Variants in ELMO1 observed in about 807,000 individuals in gnomAD.
The protein encoded by ELMO1 is engulfment and cell motility 1, also known as engulfment and cell motility protein 1.
A neutral mutation model predicts 98.9 loss-of-function variants in ELMO1; 26 were observed. The observed-to-expected ratio is 0.26, with a 90% CI of 0.19 to 0.36. ELMO1 has a LOEUF of 0.36. ELMO1 is among the 10% of genes least tolerant of loss of function. The pLI is 1.00. For missense variants in ELMO1, 627 were observed against 935.2 expected, an observed-to-expected ratio of 0.67 and a Z score of 4.30; for synonymous variants, 346 against 346.0, an observed-to-expected ratio of 1.00 and a Z score of 0.00.
chr7:37,398,333 T>G (rs556208025), intron 1 of ELMO1, among the ~76,000 whole-genome samples: 1 of 152,264 alleles, frequency 6.6e-6, no homozygotes, highest in East Asian at 1.9e-4. Flanking sequence ...ACATCAAAGT[T>G]TCCTTCAAAC....
chr7:37,112,876 T>C (rs79714232), intron 14 of ELMO1, among the ~76,000 whole-genome samples: 12,221 of 152,156 alleles, frequency 0.08, 511 homozygotes, highest in Middle Eastern at 0.13. Context: ...AAAGGGACAT[T>C]TGGGAACATT....
At chr7:37,336,157 T>TC (rs1800394785) in intron 2 of ELMO1, among the ~76,000 whole-genome samples, 1 of 151,798 alleles carries the variant, frequency 6.6e-6, no homozygotes, top group South Asian at 2.1e-4. Context: ...AGCCCAGAAT[T>TC]AGAGGTTGCA....
At chr7:37,419,861 T>G (rs1354922737) in intron 1 of ELMO1, 2 of 152,246 alleles carry the variant, frequency 1.3e-5, no homozygotes, top group Non-Finnish European at 2.9e-5. Flanking sequence ...TATCATTTAT[T>G]TCAGTAATTT....
chr7:36,908,108 T>A (rs540187183), intron 16 of ELMO1, among the ~76,000 whole-genome samples: 1 of 152,234 alleles, frequency 6.6e-6, no homozygotes, highest in Non-Finnish European at 1.5e-5. Flanking sequence ...AATTTCTATA[T>A]CACTTCCCAT....
chr7:37,044,852 A>C (rs1348660954), intron 15 of ELMO1, among the ~76,000 whole-genome samples: 1 of 152,126 alleles, frequency 6.6e-6, no homozygotes, highest in Non-Finnish European at 1.5e-5. Flanking sequence ...TCCCTTCTTT[A>C]ATAAAGTATG....
chr7:36,949,610 G>T (rs1268421807), intron 16 of ELMO1, among the ~76,000 whole-genome samples: 1 of 152,100 alleles, frequency 6.6e-6, no homozygotes, highest in Non-Finnish European at 1.5e-5. Flanking sequence ...GTGCATTACA[G>T]AATGTTTAGC....
At chr7:37,364,581 T>G (rs953355228) in intron 1 of ELMO1, among the ~76,000 whole-genome samples, 3 of 102,116 alleles carry the variant, frequency 2.9e-5, no homozygotes, top group East Asian at 1.2e-3. Context: ...AATGCTGGCT[T>G]AATTTTTTTT....
At chr7:37,141,282 G>A (rs1787621372) in intron 13 of ELMO1, among the ~76,000 whole-genome samples, 1 of 152,188 alleles carries the variant, frequency 6.6e-6, no homozygotes, top group Admixed American at 6.5e-5. Context: ...AAGTAACTCA[G>A]GAATGGAAAA....
intron 16 of ELMO1, among the ~76,000 whole-genome samples, chr7:36,944,347 T>C (rs1284406928): frequency 1.3e-5 from 2 of 152,174 alleles, no homozygotes; most frequent in Non-Finnish European, 2.9e-5. Flanking sequence ...ATTTTTAAAA[T>C]GGAGAAGTTG....
At chr7:36,973,403 T>C (rs1314053332) in intron 16 of ELMO1, among the ~76,000 whole-genome samples, 1 of 152,214 alleles carries the variant, frequency 6.6e-6, no homozygotes, top group Admixed American at 6.5e-5. Context: ...CCTATGTCTC[T>C]ATCAGCTACC....
intron 16 of ELMO1, chr7:36,985,988 C>G (rs1162314026): frequency 6.0e-6 from 6 of 1,002,768 alleles, no homozygotes; most frequent in Middle Eastern, 5.6e-4. Context: ...CACCACAAAG[C>G]GACTTAGAGT....
intron 16 of ELMO1, among the ~76,000 whole-genome samples, chr7:36,993,227 T>C (rs1373497355): frequency 6.6e-6 from 1 of 151,900 alleles, no homozygotes. Flanking sequence ...AGGGGGAGGG[T>C]ACCCATAGGC....
intron 11 of ELMO1, among the ~76,000 whole-genome samples, chr7:37,215,906 CAAGTGT>C (rs946402763): frequency 4.3e-4 from 66 of 152,264 alleles, no homozygotes; most frequent in Middle Eastern, 6.8e-3. Flanking sequence ...ATTTGAGGAC[CAAGTGT>C]TTTTAACTGT....
chr7:36,942,362 T>C (rs1241480312), intron 16 of ELMO1, among the ~76,000 whole-genome samples: 1 of 152,230 alleles, frequency 6.6e-6, no homozygotes, highest in Non-Finnish European at 1.5e-5. Context: ...CCCTCAGCTA[T>C]ATCTAGAAAA....
intron 1 of ELMO1, among the ~76,000 whole-genome samples, chr7:37,348,134 T>G (rs1422176469): frequency 1.3e-5 from 2 of 152,144 alleles, no homozygotes; most frequent in African/African-American, 4.8e-5. Flanking sequence ...CATCCCCTCC[T>G]CAATGAACAT....
At chr7:37,317,325 C>T (rs1002284445) in intron 2 of ELMO1, among the ~76,000 whole-genome samples, 3 of 152,200 alleles carry the variant, frequency 2.0e-5, no homozygotes, top group Non-Finnish European at 2.9e-5. Context: ...TTCACTACCA[C>T]GTGTGCAGAA....
At chr7:37,050,379 C>T (rs901359549) in intron 15 of ELMO1, among the ~76,000 whole-genome samples, 1 of 152,208 alleles carries the variant, frequency 6.6e-6, no homozygotes, top group African/African-American at 2.4e-5. Flanking sequence ...GGATTATAGG[C>T]GTGAGCCACC....
At chr7:36,936,043 C>G (rs1332896358) in intron 16 of ELMO1, among the ~76,000 whole-genome samples, 1 of 152,126 alleles carries the variant, frequency 6.6e-6, no homozygotes, top group Non-Finnish European at 1.5e-5. Context: ...TCCAGGCAGC[C>G]CTAGCACCTG....
At chr7:37,130,099 C>A (rs766061574) in intron 14 of ELMO1, among the ~76,000 whole-genome samples, 1 of 152,130 alleles carries the variant, frequency 6.6e-6, no homozygotes. Context: ...CTGACCTGAC[C>A]CCCACATCTG....
Sources: allele counts gnomAD v4.1 joint callset (sites outside exome capture counted in the v4.1 genomes callset), GRCh38; gene constraint gnomAD v4.1.1; transcripts MANE v1.5; gene names NCBI Gene and HGNC (gene_info 2026-07-23, HGNC 2026-07-21).